OCM: variants seen among roughly 807,000 people sequenced by gnomAD.
OCM encodes oncomodulin.
OCM carries 18 observed loss-of-function variants against 14.1 expected under a neutral mutation model. That is an observed-to-expected ratio of 1.28 (90% confidence interval 0.88 to 1.89). The LOEUF (loss-of-function observed/expected upper bound fraction) is 1.89, where lower values mean the gene tolerates loss of function less well. Among genes scored for constraint, OCM ranks in the 40% most tolerant of loss-of-function variants. The pLI is 0.00. For missense variants in OCM, 140 were observed against 137.6 expected (o/e 1.02, Z -0.09); for synonymous variants, 48 against 51.0 (o/e 0.94, Z 0.25).
chr7:5,885,095 G>A (rs1781304942), intron 3 of OCM, among the ~76,000 whole-genome samples: 1 of 148,060 alleles, frequency 6.8e-6, no homozygotes, highest in African/African-American at 2.5e-5. Flanking sequence ...ACTCCAGCCT[G>A]GGCAACAAGA....
chr7:5,878,025 C>T (rs1375635565), upstream of OCM, among the ~76,000 whole-genome samples: 1 of 149,176 alleles, frequency 6.7e-6, no homozygotes, highest in Non-Finnish European at 1.5e-5. Context: ...GGCTGTAGTG[C>T]AGTGACGTGA....
chr7:5,883,434 C>T (rs1781261859), intron 2 of OCM, among the ~76,000 whole-genome samples: 2 of 152,018 alleles, frequency 1.3e-5, no homozygotes, highest in African/African-American at 2.4e-5. Flanking sequence ...AATCCCAGCC[C>T]TTTGGGAGGC....
At position 5,882,576 on chromosome 7, in the gene OCM, C is replaced by T. The variant is rs755114818; in HGVS notation, c.145C>T (p.Arg49Trp). The T allele has an allele frequency of 8.8e-5, 142 of 1,613,944 alleles. No homozygotes were observed. Among genetic ancestry groups the T allele is most frequent in the Middle Eastern group, 4.9e-4 (3 of 6,084 alleles). Residue 49 changes from arginine (R) to tryptophan (W), a missense_variant, in exon 2 of 4, where the codon CGG (arginine) becomes TGG (tryptophan). Physicochemically the swap from Arg to Trp is moderately radical, Grantham distance 101. Transcript: ENST00000242104. ...AGCCAATCAGGTGAAGGATGTTTTCCGGTTCATAGACAACGACCAGAGCGG... is the reference window on the plus strand; with the variant it reads ...AGCCAATCAGGTGAAGGATGTTTTCTGGTTCATAGACAACGACCAGAGCGG... ...MSANQVKDVF[R>W]FIDNDQSGYL...
intron 3 of OCM, among the ~76,000 whole-genome samples, chr7:5,884,591 T>C (rs1781295166): frequency 6.6e-6 from 1 of 152,144 alleles, no homozygotes; most frequent in Non-Finnish European, 1.5e-5. Flanking sequence ...CTATTTTCAC[T>C]TGATTTTGTC....
upstream of OCM, among the ~76,000 whole-genome samples, chr7:5,880,507 C>T (rs1466334320): frequency 6.6e-6 from 1 of 152,040 alleles, no homozygotes; most frequent in East Asian, 1.9e-4. Flanking sequence ...ATCTGTCATC[C>T]CAGCACTTTG....
the OCM span, among the ~76,000 whole-genome samples, chr7:5,866,439 AGGAGGGAAGAAGGAAGGGAGGGAG>A: frequency 2.1e-5 from 2 of 93,978 alleles, no homozygotes; most frequent in Non-Finnish European, 4.0e-5. Flanking sequence ...GGGGAAGACA[AGGAGGGAAGAAGGAAGGGAGGGAG>A]GGAGGGAAGA....
At chr7:5,870,758 CAT>C in the OCM span, among the ~76,000 whole-genome samples, 1,045 of 152,316 alleles carry the variant, frequency 6.9e-3, 8 homozygotes, top group African/African-American at 0.015. Context: ...AGGTTTAACA[CAT>C]GTTAGCATAA....
the OCM span, among the ~76,000 whole-genome samples, chr7:5,868,164 T>C: frequency 6.6e-6 from 1 of 152,194 alleles, no homozygotes; most frequent in Admixed American, 6.5e-5. Flanking sequence ...TGTTTTGTTT[T>C]GTTTTTTTGG....
the OCM span, among the ~76,000 whole-genome samples, chr7:5,872,990 C>T: frequency 6.6e-6 from 1 of 152,038 alleles, no homozygotes; most frequent in Admixed American, 6.6e-5. Context: ...ATGGCTTGAG[C>T]CCAGGAGGTC....
chr7:5,881,004 C>G, intron 1 of OCM, 54 bp downstream of exon 1: 9 of 1,558,876 alleles, frequency 5.8e-6, no homozygotes, highest in Non-Finnish European at 8.0e-6. Flanking sequence ...GCACCTCCAG[C>G]GAGTCAACAC....
the OCM span, among the ~76,000 whole-genome samples, chr7:5,869,497 G>A: frequency 6.6e-6 from 1 of 152,168 alleles, no homozygotes; most frequent in Admixed American, 6.5e-5. Flanking sequence ...ACTCAGGAGG[G>A]TGAGACAGAA....
the OCM span, among the ~76,000 whole-genome samples, chr7:5,869,186 GAA>G: frequency 1.3e-5 from 2 of 152,184 alleles, no homozygotes; most frequent in African/African-American, 4.8e-5. Context: ...ATAAAAGAGA[GAA>G]GAGAGGAACT....
At position 5,881,603 on chromosome 7, in the gene OCM, T is replaced by C. The variant is rs571471288; in HGVS notation, c.61+653T>C. On this transcript the variant is annotated intron_variant, in intron 1 of 3. Coordinates refer to ENST00000242104, the MANE Select transcript of OCM (RefSeq NM_001097622.2). ...TATGATCGCTACACTGCACTCCAGCTTGGACGACAGAGTGAGACTCTGGCT... is the reference window on the plus strand; with the variant it reads ...TATGATCGCTACACTGCACTCCAGCCTGGACGACAGAGTGAGACTCTGGCT... 5.2e-3 allele frequency among the ~76,000 whole-genome samples: 777 copies of C among 149,632 alleles called. 9 individuals carry two copies. The highest frequency in any genetic ancestry group is 0.019 in the African/African-American group (749 of 40,420).
At chr7:5,860,968 G>T in the OCM span, among the ~76,000 whole-genome samples, 1 of 151,852 alleles carries the variant, frequency 6.6e-6, no homozygotes, top group African/African-American at 2.4e-5. Flanking sequence ...CAGGTTTTGG[G>T]TGAAAACTGC....
upstream of OCM, among the ~76,000 whole-genome samples, chr7:5,875,047 T>C (rs1328382001): frequency 7.3e-6 from 1 of 137,352 alleles, no homozygotes; most frequent in Non-Finnish European, 1.5e-5. Flanking sequence ...TATCTATATA[T>C]ATATATATGT....
At chr7:5,868,702 C>A in the OCM span, among the ~76,000 whole-genome samples, 1 of 152,130 alleles carries the variant, frequency 6.6e-6, no homozygotes, top group African/African-American at 2.4e-5. Context: ...TTAGAAGGCA[C>A]TGGGAACGTG....
the OCM span, among the ~76,000 whole-genome samples, chr7:5,870,693 G>T: frequency 6.6e-6 from 1 of 152,186 alleles, no homozygotes. Context: ...GAGGTATCTT[G>T]TGGAAAATGT....
the OCM span, among the ~76,000 whole-genome samples, chr7:5,872,510 A>G: frequency 6.6e-6 from 1 of 152,208 alleles, no homozygotes; most frequent in Non-Finnish European, 1.5e-5. Context: ...GTCACCACAC[A>G]GAGACAGCTG....
the OCM span, among the ~76,000 whole-genome samples, chr7:5,863,333 C>T: frequency 6.6e-6 from 1 of 152,060 alleles, no homozygotes; most frequent in Non-Finnish European, 1.5e-5. Context: ...GCATCAACCT[C>T]AGTCAATGGG....
Sources: allele counts gnomAD v4.1 joint callset (sites outside exome capture counted in the v4.1 genomes callset), GRCh38; gene constraint gnomAD v4.1.1; transcripts MANE v1.5; gene names NCBI Gene and HGNC (gene_info 2026-07-23, HGNC 2026-07-21).